Variants in NHS observed in about 807,000 individuals in gnomAD.
The protein encoded by NHS is actin remodeling regulator NHS.
Under a neutral mutation model 72.5 loss-of-function variants are expected in NHS, and 5 were observed. The ratio of observed to expected loss-of-function variants is 0.07; its 90% CI spans 0.04 to 0.14. The LOEUF (loss-of-function observed/expected upper bound fraction) is 0.14. Among genes scored for constraint, NHS ranks in the 10% least tolerant of loss-of-function variants. The pLI is 1.00. For missense variants in NHS, 1,072 were observed against 1,355.7 expected (o/e 0.79, Z 3.29); for synonymous variants, 464 against 547.7 (o/e 0.85, Z 2.13).
At position 17,732,421 on chromosome X, in the gene NHS, A is replaced by G. The variant is rs1476928336; in HGVS notation, c.4913A>G (p.Asp1638Gly). ...AISEGETENSDGSPHDDRSSQ... is the reference protein window; with the variant it reads ...AISEGETENSGGSPHDDRSSQ... ...TCCGAGGGAGAGACGGAAAATTCTG[A>G]CGGGAGCCCACATGACGACCGTTCC... is the stretch of plus-strand genomic sequence containing the variant. Residue 1638 changes from aspartate to glycine, a missense_variant, in exon 9 of 9, where the codon GAC becomes GGC. Coordinates refer to ENST00000676302, the MANE Select transcript of NHS (RefSeq NM_001291867.2). The G allele has an allele frequency of 8.3e-7, 1 of 1,211,186 alleles. No individual in the cohort carries two copies. Among genetic ancestry groups the G allele is most frequent in the East Asian group, 3.0e-5 (1 of 33,803 alleles).
intron 1 of NHS, among the ~76,000 whole-genome samples, chrX:17,547,474 A>T (rs1195365555): frequency 8.9e-6 from 1 of 112,263 alleles, no homozygotes; most frequent in Non-Finnish European, 1.9e-5. Flanking sequence ...GCCAGTATTC[A>T]TTCAGAGCCC....
rs114338238 is a variant in NHS, at chrX:17,455,453, A to T, written c.565+79131A>T. Reference sequence around the variant, plus strand: ...GAGAACTGTGCCAGGTGTTATGTACATAGTCTCATTTAGCTCCAACAACCA... The same window carrying T: ...GAGAACTGTGCCAGGTGTTATGTACTTAGTCTCATTTAGCTCCAACAACCA... On this transcript the variant is annotated intron_variant, in intron 1 of 8. Coordinates refer to ENST00000676302, the MANE Select transcript of NHS (RefSeq NM_001291867.2). Among the ~76,000 whole-genome samples the T allele has an allele frequency of 9.0e-3, 1,003 of 111,929 alleles. 15 individuals are homozygous for T. Among genetic ancestry groups the T allele is most frequent in the African/African-American group, 0.031 (964 of 30,793 alleles).
chrX:17,615,260 A>G (rs868591094), intron 1 of NHS, among the ~76,000 whole-genome samples: 1 of 92,889 alleles, frequency 1.1e-5, no homozygotes. Flanking sequence ...ACATATATAC[A>G]CATATATATA....
chrX:17,678,231 G>A lies in NHS; in HGVS notation c.566-9511G>A, dbSNP rs2066096927. 3.6e-5 allele frequency among the ~76,000 whole-genome samples: 4 copies of A among 110,840 alleles called. No individual in the cohort carries two copies. The South Asian group carries it at 1.5e-3, about 43-fold the overall frequency. The stretch of plus-strand genomic sequence containing the variant: ...GGCCTTTGGTGACAGGATTAAGAGT[G>A]GCTTTTTGTTGTTCTTTTAGACTTT... On this transcript the variant is annotated intron_variant, in intron 1 of 8. Coordinates refer to ENST00000676302, the MANE Select transcript of NHS (RefSeq NM_001291867.2).
chrX:17,535,441 AAAC>A (rs2065218470), intron 1 of NHS, among the ~76,000 whole-genome samples: 1 of 111,671 alleles, frequency 9.0e-6, no homozygotes, highest in Non-Finnish European at 1.9e-5. Flanking sequence ...ATCCCTAGTC[AAAC>A]ACCGCTAACA....
At chrX:17,541,640 T>G (rs1331569394) in intron 1 of NHS, among the ~76,000 whole-genome samples, 1 of 111,779 alleles carries the variant, frequency 8.9e-6, no homozygotes, top group African/African-American at 3.3e-5. Context: ...CCCTCTGGAA[T>G]TTTTTAAGGG....
chrX:17,516,521 G>A (rs1008996494), intron 1 of NHS, among the ~76,000 whole-genome samples: 1 of 108,500 alleles, frequency 9.2e-6, no homozygotes, highest in Non-Finnish European at 1.9e-5. Context: ...CCCCTCCTCT[G>A]CCAATAAATA....
At chrX:17,468,961 A>G (rs1037920608) in intron 1 of NHS, among the ~76,000 whole-genome samples, 1 of 111,933 alleles carries the variant, frequency 8.9e-6, no homozygotes, top group Non-Finnish European at 1.9e-5. Context: ...GCACCCCAGA[A>G]GCCCTTCCTG....
chrX:17,405,218 G>A (rs2064523920), intron 1 of NHS, among the ~76,000 whole-genome samples: 2 of 112,025 alleles, frequency 1.8e-5, no homozygotes, highest in African/African-American at 6.5e-5. Flanking sequence ...GGCTCTGCCT[G>A]GAAGTTGGGT....
In NHS at chrX:17,687,894, G is replaced by A; in HGVS notation, c.718G>A (p.Glu240Lys). ...GCAGAGCCTGCAAGCCCTGCGCAGA[G>A]GTGACAGATCCTGGGCTTGGGGGCT... ...ARQSLQALRREHRSRSDRREQ... is the reference protein window; with the variant it reads ...ARQSLQALRRKHRSRSDRREQ... Residue 240 changes from glutamate (E) to lysine (K), a missense_variant and splice_region_variant, in exon 2 of 9, where the codon GAA becomes AAA. By Grantham distance (56) the Glu-to-Lys change is moderately conservative. Coordinates refer to ENST00000676302, the MANE Select transcript of NHS (RefSeq NM_001291867.2). The A allele has an allele frequency of 8.3e-7, 1 of 1,210,472 alleles. No homozygotes were observed.
intron 1 of NHS, among the ~76,000 whole-genome samples, chrX:17,460,534 G>A (rs2064843010): frequency 1.8e-5 from 2 of 110,379 alleles, no homozygotes; most frequent in Non-Finnish European, 3.8e-5. Flanking sequence ...TGAATTTACA[G>A]AGAAATGCTA....
chrX:17,681,324 A>G (rs1366279441), intron 1 of NHS, among the ~76,000 whole-genome samples: 1 of 112,131 alleles, frequency 8.9e-6, no homozygotes, highest in Non-Finnish European at 1.9e-5. Flanking sequence ...GCAGTGACAC[A>G]TGCCAAGGAT....
At chrX:17,384,376 A>G (rs754404882) in intron 1 of NHS, among the ~76,000 whole-genome samples, 56 of 112,468 alleles carry the variant, frequency 5.0e-4, no homozygotes, top group Non-Finnish European at 7.5e-4. Flanking sequence ...GAAGAACACA[A>G]TCTTTCAAGG....
chrX:17,649,470 G>A (rs561770983), intron 1 of NHS, among the ~76,000 whole-genome samples: 3 of 111,207 alleles, frequency 2.7e-5, no homozygotes, highest in South Asian at 4.0e-4. Context: ...AGGAGGCCAG[G>A]TTGGGCAAAA....
At chrX:17,492,890 A>G (rs1038024913) in intron 1 of NHS, among the ~76,000 whole-genome samples, 1 of 111,998 alleles carries the variant, frequency 8.9e-6, no homozygotes, top group African/African-American at 3.2e-5. Flanking sequence ...ATGACAAAAA[A>G]TAAAATTTTA....
intron 1 of NHS, among the ~76,000 whole-genome samples, chrX:17,433,196 CTTTTTTTTTTT>C (rs768285319): frequency 2.3e-4 from 15 of 64,631 alleles, no homozygotes; most frequent in African/African-American, 4.8e-4. Flanking sequence ...CGCCCGGCTA[CTTTTTTTTTTT>C]TTTTTTTTTT....
At chrX:17,559,002 T>C (rs1464226016) in intron 1 of NHS, among the ~76,000 whole-genome samples, 2 of 112,728 alleles carry the variant, frequency 1.8e-5, no homozygotes, top group Non-Finnish European at 3.7e-5. Context: ...TCTTCAAAAC[T>C]CTAATGCCTT....
rs750116092 is a variant in NHS at position 17,577,155 on chromosome X, A to T, written c.566-110587A>T. 2.7e-5 allele frequency among the ~76,000 whole-genome samples: 3 copies of T among 111,643 alleles called. No homozygotes were observed. In the East Asian group the frequency reaches 8.5e-4, roughly 32 times the overall value. ...GTTTCTTCTTTTAACACTACACTAC[A>T]CTCCAAACTTCCAGGGTCCATCAAC... is the stretch of plus-strand genomic sequence containing the variant. On this transcript the variant is annotated intron_variant, in intron 1 of 8. Transcript: ENST00000676302.
chrX:17,498,080 T>A (rs2065021135), intron 1 of NHS, among the ~76,000 whole-genome samples: 1 of 112,058 alleles, frequency 8.9e-6, no homozygotes, highest in Non-Finnish European at 1.9e-5. Flanking sequence ...TTTTTAAAAC[T>A]CCCCAGATGA....
Sources: gnomAD v4.1 joint callset for allele counts (sites outside exome capture counted in the v4.1 genomes callset) on GRCh38, gnomAD v4.1.1 for gene constraint, MANE v1.5 for transcripts, NCBI Gene and HGNC (gene_info 2026-07-23, HGNC 2026-07-21) for gene names.